KIAA0825: variants seen among roughly 807,000 people sequenced by gnomAD.
KIAA0825 encodes the protein uncharacterized protein KIAA0825.
In KIAA0825, 119 loss-of-function variants were observed where a neutral mutation model predicts 147.6. The observed-to-expected ratio is 0.81, with a 90% CI of 0.69 to 0.94. KIAA0825 has a LOEUF of 0.94. KIAA0825 is among the 40% of genes least tolerant of loss of function. The pLI is 0.00. For synonymous variants in KIAA0825, 470 were observed against 518.1 expected, an observed-to-expected ratio of 0.91 and a Z score of 1.26; for missense variants, 1,381 against 1,472.7, an observed-to-expected ratio of 0.94 and a Z score of 1.02.
intron 20 of KIAA0825, among the ~76,000 whole-genome samples, chr5:94,259,243 C>A (rs926640953): frequency 1.3e-5 from 2 of 152,018 alleles, no homozygotes; most frequent in Admixed American, 1.3e-4. Context: ...GATCTCAGAT[C>A]ATTTTATAAT....
At chr5:94,539,552 A>AT (rs1772846664) in intron 2 of KIAA0825, among the ~76,000 whole-genome samples, 1 of 152,078 alleles carries the variant, frequency 6.6e-6, no homozygotes, top group Non-Finnish European at 1.5e-5. Context: ...GGCAAACCCC[A>AT]AAGGGATGAT....
intron 15 of KIAA0825, 55 bp from the exon 16 acceptor site, chr5:94,403,848 C>A: frequency 7.2e-7 from 1 of 1,383,898 alleles, no homozygotes; most frequent in Non-Finnish European, 1.0e-6. Flanking sequence ...TCAGTTGTGC[C>A]TTGCTCAACT....
chr5:94,163,971 T>G (rs1767800663), intron 20 of KIAA0825, among the ~76,000 whole-genome samples: 1 of 152,226 alleles, frequency 6.6e-6, no homozygotes, highest in South Asian at 2.1e-4. Context: ...ATATTGAACT[T>G]TAGCATGTAT....
intron 20 of KIAA0825, among the ~76,000 whole-genome samples, chr5:94,280,506 G>C (rs1011425625): frequency 6.6e-6 from 1 of 151,978 alleles, no homozygotes; most frequent in East Asian, 1.9e-4. Context: ...AACCCAACCA[G>C]AACCATTGAT....
chr5:94,222,894 C>T (rs953370132), intron 20 of KIAA0825, among the ~76,000 whole-genome samples: 1 of 152,090 alleles, frequency 6.6e-6, no homozygotes, highest in Non-Finnish European at 1.5e-5. Context: ...ATTGTGATTA[C>T]TATGTTAAGC....
At chr5:94,251,709 C>G (rs1775971617) in intron 20 of KIAA0825, among the ~76,000 whole-genome samples, 1 of 151,988 alleles carries the variant, frequency 6.6e-6, no homozygotes, top group African/African-American at 2.4e-5. Flanking sequence ...CACCTTGAAA[C>G]ATTCTTCTTA....
chr5:94,288,351 G>A (rs1473861119), intron 20 of KIAA0825, among the ~76,000 whole-genome samples: 3 of 151,910 alleles, frequency 2.0e-5, no homozygotes, highest in Non-Finnish European at 4.4e-5. Flanking sequence ...AAACAGTATT[G>A]GAGCCATTTT....
intron 20 of KIAA0825, among the ~76,000 whole-genome samples, chr5:94,350,957 G>T (rs893614842): frequency 2.6e-5 from 4 of 151,168 alleles, no homozygotes; most frequent in African/African-American, 9.7e-5. Flanking sequence ...CATGATCCTG[G>T]CTCACTGCAA....
At chr5:94,599,747 A>C (rs1250105425) in intron 1 of KIAA0825, among the ~76,000 whole-genome samples, 2 of 152,224 alleles carry the variant, frequency 1.3e-5, no homozygotes. Flanking sequence ...AAATATATGC[A>C]AATCATGTAT....
chr5:94,368,735 C>T (rs1001346447), intron 20 of KIAA0825, among the ~76,000 whole-genome samples: 1 of 152,204 alleles, frequency 6.6e-6, no homozygotes, highest in African/African-American at 2.4e-5. Context: ...TGGCAAAGTA[C>T]TTCAAGGTTT....
chr5:94,323,556 C>CA (rs78678665), intron 20 of KIAA0825, among the ~76,000 whole-genome samples: 1,732 of 112,762 alleles, frequency 0.015, 53 homozygotes, highest in East Asian at 0.13. Flanking sequence ...AGCTCCAGAC[C>CA]AAAAAAAAAA....
chr5:94,299,392 T>TA (rs1254632486), intron 20 of KIAA0825, among the ~76,000 whole-genome samples: 1 of 151,604 alleles, frequency 6.6e-6, no homozygotes, highest in Non-Finnish European at 1.5e-5. Context: ...AATTTACTTT[T>TA]TTTTTTTTTT....
chr5:94,280,886 G>C (rs1777426459), intron 20 of KIAA0825, among the ~76,000 whole-genome samples: 2 of 152,088 alleles, frequency 1.3e-5, no homozygotes, highest in Non-Finnish European at 2.9e-5. Context: ...CAGGACATGA[G>C]AAACCAAACT....
intron 2 of KIAA0825, chr5:94,570,790 T>A (rs1779827916): frequency 6.6e-6 from 1 of 152,298 alleles, no homozygotes; most frequent in African/African-American, 2.4e-5. Flanking sequence ...CACCCAAAGC[T>A]AAGATTCTAA....
At chr5:94,352,447 G>C (rs1290340847) in intron 20 of KIAA0825, among the ~76,000 whole-genome samples, 5 of 152,160 alleles carry the variant, frequency 3.3e-5, no homozygotes, top group Non-Finnish European at 7.4e-5. Flanking sequence ...GCAGTGAACA[G>C]GGAACACTTC....
intron 20 of KIAA0825, among the ~76,000 whole-genome samples, chr5:94,260,866 A>G (rs1776456962): frequency 6.6e-6 from 1 of 152,206 alleles, no homozygotes; most frequent in African/African-American, 2.4e-5. Context: ...TTTTTAGTAT[A>G]AAATCAAAAC....
intron 1 of KIAA0825, chr5:94,594,193 T>C: frequency 3.5e-6 from 2 of 577,660 alleles, no homozygotes; most frequent in South Asian, 2.8e-5. Flanking sequence ...GATTCTCAAC[T>C]TGAAATTTTA....
chr5:94,517,686 ATAAAT>A (rs1431100514), intron 5 of KIAA0825, among the ~76,000 whole-genome samples: 3 of 150,902 alleles, frequency 2.0e-5, no homozygotes, highest in Non-Finnish European at 4.4e-5. Context: ...TTAAATTTAA[ATAAAT>A]TAAATTTATT....
At chr5:94,241,159 G>A (rs982862869) in intron 20 of KIAA0825, among the ~76,000 whole-genome samples, 1 of 152,114 alleles carries the variant, frequency 6.6e-6, no homozygotes, top group African/African-American at 2.4e-5. Context: ...CAGACTTCCT[G>A]AGACTCTGCC....
Sources: gnomAD v4.1 joint callset for allele counts (sites outside exome capture counted in the v4.1 genomes callset) on GRCh38, gnomAD v4.1.1 for gene constraint, MANE v1.5 for transcripts, NCBI Gene and HGNC (gene_info 2026-07-23, HGNC 2026-07-21) for gene names.